The following IKBIP variants were observed in gnomAD, a reference collection of about 807,000 sequenced individuals.
IKBIP encodes the protein IKBKB interacting protein, also known as inhibitor of nuclear factor kappa-B kinase-interacting protein.
In IKBIP, 28 loss-of-function variants were observed where a neutral mutation model predicts 31.0. The ratio of observed to expected loss-of-function variants is 0.90; its 90% CI spans 0.67 to 1.24. The LOEUF (loss-of-function observed/expected upper bound fraction) is 1.24, where lower values mean the gene tolerates loss of function less well. IKBIP is among the 50% of genes most tolerant of loss of function. IKBIP has a pLI of 0.00. For synonymous variants in IKBIP, 164 were observed against 160.3 expected, an observed-to-expected ratio of 1.02 and a Z score of -0.17; for missense variants, 453 against 441.9, an observed-to-expected ratio of 1.03 and a Z score of -0.23.
At chr12:98,622,360 C>CA (rs984684620), downstream of IKBIP, among the ~76,000 whole-genome samples, 53 of 151,914 alleles carry the variant, frequency 3.5e-4, no homozygotes, top group Non-Finnish European at 6.6e-4. Flanking sequence ...ACTGTTTCTA[C>CA]AAAAAAATAA....
downstream of IKBIP, among the ~76,000 whole-genome samples, chr12:98,620,759 C>G (rs12228288): frequency 4.1e-4 from 63 of 152,296 alleles, 1 homozygote; most frequent in East Asian, 0.01. Flanking sequence ...CACCTGTTAT[C>G]CCAGCACTTT....
chr12:98,630,066 C>T (rs1054824516), intron 2 of IKBIP, among the ~76,000 whole-genome samples: 1 of 151,970 alleles, frequency 6.6e-6, no homozygotes, highest in Non-Finnish European at 1.5e-5. Context: ...AGCCACCACA[C>T]CGGGTCTCAT....
At chr12:98,636,166 AAACACAGTCCTG>A (rs2097625607) in intron 1 of IKBIP, among the ~76,000 whole-genome samples, 1 of 152,248 alleles carries the variant, frequency 6.6e-6, no homozygotes, top group African/African-American at 2.4e-5. Flanking sequence ...GTACCTGCCT[AAACACAGTCCTG>A]AGACAAGTGG....
At chr12:98,613,525 G>T in exon 3 of IKBIP, 2 of 745,106 alleles carry the variant, frequency 2.7e-6, no homozygotes, top group South Asian at 2.7e-5. Context: ...TGATTTACCA[G>T]TCTTCTCATG....
downstream of IKBIP, among the ~76,000 whole-genome samples, chr12:98,620,038 C>T (rs1030306229): frequency 9.9e-5 from 15 of 151,004 alleles, no homozygotes; most frequent in African/African-American, 3.6e-4. Context: ...CCGGCCTCAG[C>T]CTCCCAAGTA....
rs753433659 is a variant in IKBIP at position 98,644,637 on chromosome 12, T to C, written c.65A>G (p.Lys22Arg). Residue 22 changes from lysine (K) to arginine (R), a missense_variant, in exon 1 of 3, where the codon AAG (lysine) becomes AGG (arginine). Transcript: ENST00000299157. ...PKGAPAAEPGKRSEGGKTPVA... is the reference protein window; with the variant it reads ...PKGAPAAEPGRRSEGGKTPVA... ...GGGGGTCTTCCCGCCCTCGCTCCGC[T>C]TCCCGGGCTCCGCAGCAGGGGCTCC... 6.2e-7 allele frequency: 1 copy of C among 1,610,980 alleles called. No homozygotes were observed. Among genetic ancestry groups the C allele is most frequent in the East Asian group, 2.2e-5 (1 of 44,740 alleles).
intron 2 of IKBIP, among the ~76,000 whole-genome samples, chr12:98,630,577 A>G (rs2097619209): frequency 6.6e-6 from 1 of 152,110 alleles, no homozygotes; most frequent in South Asian, 2.1e-4. Context: ...TACAACGTAG[A>G]TGAGAAAAAA....
chr12:98,644,591 G>T lies in IKBIP; in HGVS notation c.111C>A (p.Gly37=). Residue 37 remains glycine, a synonymous_variant, in exon 1 of 3, where the codon GGC becomes GGA. Transcript: ENST00000299157. ...ACGTTCGGGGGTCTGCCCAGCCCCC[G>T]CCTCCGCTGCTCCGGGCCACGGGGG... ...GKTPVARSSG[G]GGWADPRTCL... is the part of the protein sequence containing the mutation. The T allele has an allele frequency of 6.2e-7, 1 of 1,609,490 alleles. No individual in the cohort carries two copies. Among genetic ancestry groups the T allele is most frequent in the South Asian group, 1.1e-5 (1 of 90,786 alleles).
chr12:98,619,726 A>C (rs1244360593), downstream of IKBIP, among the ~76,000 whole-genome samples: 2 of 152,012 alleles, frequency 1.3e-5, no homozygotes, highest in African/African-American at 4.8e-5. Flanking sequence ...AGCCTGGGCA[A>C]CATGGTGAAA....
intron 2 of IKBIP, among the ~76,000 whole-genome samples, chr12:98,618,099 T>C (rs2097607249): frequency 6.6e-6 from 1 of 152,046 alleles, no homozygotes; most frequent in African/African-American, 2.4e-5. Flanking sequence ...AGTCCAGGAG[T>C]TTGACGCTGT....
intron 1 of IKBIP, among the ~76,000 whole-genome samples, chr12:98,641,319 G>A (rs1450060982): frequency 6.6e-6 from 1 of 152,126 alleles, no homozygotes; most frequent in Non-Finnish European, 1.5e-5. Flanking sequence ...CACCAGGGCC[G>A]TGTCAGTACG....
At chr12:98,622,858 C>T (rs971901419), downstream of IKBIP, among the ~76,000 whole-genome samples, 1 of 151,336 alleles carries the variant, frequency 6.6e-6, no homozygotes, top group African/African-American at 2.4e-5. Context: ...AGTTTCTGAT[C>T]ATTAAGCAAA....
At chr12:98,618,542 C>T (rs990041385) in intron 2 of IKBIP, among the ~76,000 whole-genome samples, 11 of 151,362 alleles carry the variant, frequency 7.3e-5, no homozygotes, top group African/African-American at 2.4e-4. Context: ...AGGAGAATGG[C>T]GTGAACCCGG....
intron 1 of IKBIP, among the ~76,000 whole-genome samples, chr12:98,640,397 G>A (rs1035793063): frequency 6.6e-6 from 1 of 151,954 alleles, no homozygotes; most frequent in East Asian, 1.9e-4. Context: ...CTGAGATTGC[G>A]CCACTGCACT....
chr12:98,633,507 A>ATTTTTT (rs1555211700), intron 2 of IKBIP, among the ~76,000 whole-genome samples: 10 of 96,412 alleles, frequency 1.0e-4, no homozygotes, highest in East Asian at 3.4e-4. Context: ...TTTTTTTTTA[A>ATTTTTT]TTCTTTTTTT....
chr12:98,626,245 C>G lies in IKBIP; in HGVS notation c.819G>C (p.Leu273Phe), dbSNP rs749636550. The G allele has an allele frequency of 5.5e-5, 89 of 1,614,038 alleles. No homozygotes were observed. Among genetic ancestry groups the G allele is most frequent in the Non-Finnish European group, 6.8e-5 (80 of 1,180,014 alleles). Residue 273 changes from leucine (L) to phenylalanine (F), a missense_variant, in exon 3 of 3, where the codon TTG (leucine) becomes TTC (phenylalanine). Leu to Phe is a conservative substitution (Grantham distance 22). Coordinates refer to ENST00000299157, the MANE Select transcript of IKBIP (RefSeq NM_153687.4). The stretch of plus-strand genomic sequence containing the variant: ...AGTGAATAGCACTTTCAATTGTTGG[C>G]AAATGTGTCTTGCATTCTTCAACTT... ...EPKVEECKTH[L>F]PTIESAIHSV...
intron 1 of IKBIP, among the ~76,000 whole-genome samples, chr12:98,637,273 G>T (rs12821083): frequency 0.27 from 41,173 of 152,000 alleles, 6,020 homozygotes; most frequent in African/African-American, 0.37. Context: ...CTCAGCACTA[G>T]TGATGAAAAA....
At chr12:98,636,845 T>C (rs2097626124) in intron 1 of IKBIP, among the ~76,000 whole-genome samples, 1 of 151,952 alleles carries the variant, frequency 6.6e-6, no homozygotes, top group African/African-American at 2.4e-5. Flanking sequence ...ATAGAGACCT[T>C]ATTAAGAAAG....
rs1452824696 is a variant in IKBIP at position 98,644,483 on chromosome 12, C to A, written c.179+40G>T. 2.0e-6 allele frequency: 3 copies of A among 1,530,046 alleles called. No individual in the cohort carries two copies. In the African/African-American group the frequency reaches 4.2e-5, roughly 21 times the overall value. 94.8% of individuals were successfully genotyped at this position (1,530,046 alleles called of 1,614,324 possible). A position where few individuals can be genotyped will look rare whatever the true frequency, so the allele number is the denominator to read the frequency against. ...GGGTGGGAGCCCAAACAGCAGGGGG[C>A]CCACAGGAGGCCGGCCCAGGCAGCC... On this transcript the variant is annotated intron_variant, in intron 1 of 2. Coordinates refer to ENST00000299157, the MANE Select transcript of IKBIP (RefSeq NM_153687.4).
Sources: gnomAD v4.1 joint callset for allele counts (sites outside exome capture counted in the v4.1 genomes callset) on GRCh38, gnomAD v4.1.1 for gene constraint, MANE v1.5 for transcripts, NCBI Gene and HGNC (gene_info 2026-07-23, HGNC 2026-07-21) for gene names.